Variants in TAFA4 observed in about 807,000 individuals in gnomAD.
The protein encoded by TAFA4 is chemokine-like protein TAFA-4.
TAFA4 carries 20 observed loss-of-function variants against 21.1 expected under a neutral mutation model. The ratio of observed to expected loss-of-function variants is 0.95; its 90% CI spans 0.67 to 1.38. The LOEUF (loss-of-function observed/expected upper bound fraction) is 1.38. Among genes scored for constraint, TAFA4 ranks in the 40% most tolerant of loss-of-function variants. The probability of loss-of-function intolerance (pLI) is 0.00; values close to 1 mark genes in which losing one functional copy is unlikely to be tolerated. For missense variants in TAFA4, 211 were observed against 180.9 expected (o/e 1.17, Z -0.95); for synonymous variants, 71 against 67.4 (o/e 1.05, Z -0.26).
At chr3:68,918,430 T>A (rs557895341) in intron 1 of TAFA4, among the ~76,000 whole-genome samples, 1 of 152,310 alleles carries the variant, frequency 6.6e-6, no homozygotes, top group African/African-American at 2.4e-5. Context: ...CCTCACTCAA[T>A]CTACTTCTAA....
At chr3:68,843,946 G>A (rs940242729) in intron 3 of TAFA4, among the ~76,000 whole-genome samples, 20 of 152,262 alleles carry the variant, frequency 1.3e-4, no homozygotes, top group African/African-American at 3.6e-4. Context: ...TTTTCGCATC[G>A]GTGTCCATCA....
chr3:68,889,245 T>C (rs146350532), intron 1 of TAFA4, among the ~76,000 whole-genome samples: 8 of 152,350 alleles, frequency 5.3e-5, no homozygotes, highest in Middle Eastern at 3.4e-3. Flanking sequence ...GTGGGTATTA[T>C]GTGGAGACAG....
chr3:68,792,313 T>C (rs1053816794), intron 3 of TAFA4, among the ~76,000 whole-genome samples: 3 of 152,192 alleles, frequency 2.0e-5, no homozygotes, highest in Admixed American at 6.5e-5. Context: ...TGATTATACA[T>C]ATAGACTCAC....
chr3:68,843,838 G>C (rs367641956), intron 3 of TAFA4, among the ~76,000 whole-genome samples: 2 of 152,216 alleles, frequency 1.3e-5, no homozygotes, highest in African/African-American at 4.8e-5. Context: ...TTCATATGTT[G>C]AATCAGCCTT....
At chr3:68,822,357 T>C (rs532705097) in intron 3 of TAFA4, among the ~76,000 whole-genome samples, 1 of 152,214 alleles carries the variant, frequency 6.6e-6, no homozygotes. Context: ...TGAGTGACAA[T>C]GGCCAGCACA....
intron 3 of TAFA4, among the ~76,000 whole-genome samples, chr3:68,831,970 T>C (rs1704407016): frequency 6.6e-6 from 1 of 152,220 alleles, no homozygotes; most frequent in African/African-American, 2.4e-5. Context: ...TTGATCAAAT[T>C]GGCTACTGAA....
intron 3 of TAFA4, among the ~76,000 whole-genome samples, chr3:68,870,387 C>G (rs1015130035): frequency 4.0e-5 from 6 of 151,874 alleles, no homozygotes; most frequent in Non-Finnish European, 1.5e-5. Flanking sequence ...CCCAAAATAA[C>G]CAAAACAATC....
chr3:68,732,565 C>T lies in TAFA4; in HGVS notation c.*577G>A, dbSNP rs1290067254. ...AAAATAGAAGTAAAAATACAATGCA[C>T]ACACAATAATCCAACTATGTCCTTC... On this transcript the variant is annotated 3_prime_UTR_variant, in exon 6 of 6. Coordinates refer to ENST00000295569, the MANE Select transcript of TAFA4 (RefSeq NM_182522.5). 1.3e-5 allele frequency: 2 copies of T among 152,498 alleles called. No homozygotes were observed. The highest frequency in any genetic ancestry group is 2.4e-5 in the African/African-American group (1 of 41,408). The allele number at this position is 152,498 out of a possible 1,614,324, so 9.4% of individuals were successfully genotyped here. A position where few individuals can be genotyped will look rare whatever the true frequency, so the allele number is the denominator to read the frequency against.
chr3:68,803,177 T>C (rs1244160252), intron 3 of TAFA4, among the ~76,000 whole-genome samples: 1 of 152,168 alleles, frequency 6.6e-6, no homozygotes. Flanking sequence ...AGTAAATAAA[T>C]ACATGTGAGA....
chr3:68,831,155 G>A (rs138796388), intron 3 of TAFA4, among the ~76,000 whole-genome samples: 1 of 152,186 alleles, frequency 6.6e-6, no homozygotes, highest in Non-Finnish European at 1.5e-5. Flanking sequence ...TTGCCAGTCT[G>A]TGTCTTTTAA....
chr3:68,759,170 T>C (rs1362477564), intron 3 of TAFA4, among the ~76,000 whole-genome samples: 1 of 152,224 alleles, frequency 6.6e-6, no homozygotes, highest in African/African-American at 2.4e-5. Flanking sequence ...TCTCTCTTAC[T>C]CAGGGGTAGA....
chr3:68,740,555 C>T (rs1190964187), intron 4 of TAFA4, among the ~76,000 whole-genome samples: 3 of 152,134 alleles, frequency 2.0e-5, no homozygotes, highest in Non-Finnish European at 2.9e-5. Context: ...ATTTTTGGCA[C>T]TTGAGCAGGT....
At chr3:68,824,653 A>AT (rs1211719804) in intron 3 of TAFA4, among the ~76,000 whole-genome samples, 2 of 152,206 alleles carry the variant, frequency 1.3e-5, no homozygotes, top group Non-Finnish European at 2.9e-5. Flanking sequence ...AGGGACCATT[A>AT]TTCTGCCTAC....
At chr3:68,767,600 G>C (rs554953806) in intron 3 of TAFA4, among the ~76,000 whole-genome samples, 1 of 151,894 alleles carries the variant, frequency 6.6e-6, no homozygotes, top group African/African-American at 2.4e-5. Context: ...TATAAAAAGA[G>C]AGCAGTAATT....
chr3:68,929,322 C>T (rs1340409321), intron 1 of TAFA4, among the ~76,000 whole-genome samples: 1 of 152,258 alleles, frequency 6.6e-6, no homozygotes, highest in African/African-American at 2.4e-5. Flanking sequence ...GATCGCTTCA[C>T]CAATACCTTT....
intron 1 of TAFA4, among the ~76,000 whole-genome samples, chr3:68,918,288 A>G (rs6549158): frequency 0.26 from 38,841 of 151,974 alleles, 5,271 homozygotes; most frequent in African/African-American, 0.35. Flanking sequence ...GAGGTCGCAA[A>G]TGACACTGGA....
chr3:68,747,960 T>C (rs1328152770), intron 4 of TAFA4, among the ~76,000 whole-genome samples: 1 of 152,164 alleles, frequency 6.6e-6, no homozygotes, highest in African/African-American at 2.4e-5. Flanking sequence ...CTCATATGCT[T>C]CGTGCTGCCT....
rs1702176579 is a variant in TAFA4 at position 68,733,010 on chromosome 3, C to T, written c.*132G>A. On this transcript the variant is annotated 3_prime_UTR_variant, in exon 6 of 6. Coordinates refer to ENST00000295569, the MANE Select transcript of TAFA4 (RefSeq NM_182522.5). ...CCAGTTAAGTGAATGCCACCTCTCA[C>T]AGCTCACATATACAAATATGAAGTT... 2.5e-6 allele frequency: 3 copies of T among 1,185,192 alleles called. No homozygotes were observed. Among genetic ancestry groups the T allele is most frequent in the Admixed American group, 2.1e-5 (1 of 47,844 alleles). The allele number at this position is 1,185,192 out of a possible 1,614,324, so 73.4% of individuals were successfully genotyped here.
chr3:68,738,938 C>A (rs1471673890), intron 5 of TAFA4, 137 bp downstream of exon 5: 1 of 1,257,254 alleles, frequency 8.0e-7, no homozygotes, highest in Non-Finnish European at 1.1e-6. Context: ...TCAAAAAGGC[C>A]AAATCCGTAA....
Sources: gnomAD v4.1 joint callset for allele counts (sites outside exome capture counted in the v4.1 genomes callset) on GRCh38, gnomAD v4.1.1 for gene constraint, MANE v1.5 for transcripts, NCBI Gene and HGNC (gene_info 2026-07-23, HGNC 2026-07-21) for gene names.